Variants in ZBTB7C observed in about 807,000 individuals in gnomAD.
ZBTB7C encodes zinc finger and BTB domain containing 7C.
A neutral mutation model predicts 25.7 loss-of-function variants in ZBTB7C; 8 were observed. That is an observed-to-expected ratio of 0.31 (90% CI 0.18 to 0.56). The LOEUF is 0.56. ZBTB7C is among the 20% of genes least tolerant of loss of function. The pLI, the probability that ZBTB7C is intolerant of heterozygous loss-of-function variation, is 0.91. For synonymous variants in ZBTB7C, 394 were observed against 369.0 expected (o/e 1.07, Z -0.78); for missense variants, 824 against 855.2 (o/e 0.96, Z 0.46).
At chr18:48,172,359 C>T (rs1238485504) in intron 3 of ZBTB7C, among the ~76,000 whole-genome samples, 2 of 152,118 alleles carry the variant, frequency 1.3e-5, no homozygotes, top group African/African-American at 4.8e-5. Context: ...GGCAGGGGGG[C>T]ACGGAGGGCT....
At chr18:48,079,687 A>G (rs993244961) in intron 3 of ZBTB7C, among the ~76,000 whole-genome samples, 4 of 152,242 alleles carry the variant, frequency 2.6e-5, no homozygotes, top group Non-Finnish European at 4.4e-5. Context: ...CCATACTCTT[A>G]GCAAAACTGC....
chr18:48,369,039 T>A (rs1357077279), intron 1 of ZBTB7C, among the ~76,000 whole-genome samples: 3 of 152,220 alleles, frequency 2.0e-5, no homozygotes, highest in Admixed American at 2.0e-4. Flanking sequence ...ACAATAGACT[T>A]TCTTTCTCCT....
intron 3 of ZBTB7C, among the ~76,000 whole-genome samples, chr18:48,093,796 C>T (rs1045343739): frequency 7.2e-5 from 11 of 152,328 alleles, no homozygotes; most frequent in Middle Eastern, 6.8e-3. Context: ...TGGCTCACGC[C>T]TGTAATCCCA....
chr18:48,034,695 C>T (rs889712679), intron 4 of ZBTB7C, among the ~76,000 whole-genome samples: 3 of 152,306 alleles, frequency 2.0e-5, no homozygotes, highest in Non-Finnish European at 2.9e-5. Flanking sequence ...CAGAACTCTC[C>T]GACTACAAAT....
chr18:48,309,460 G>A (rs1196230365), intron 2 of ZBTB7C, among the ~76,000 whole-genome samples: 1 of 152,206 alleles, frequency 6.6e-6, no homozygotes, highest in Non-Finnish European at 1.5e-5. Flanking sequence ...ACCTTAAGCA[G>A]GAAGTGTAAA....
At chr18:48,158,741 T>C (rs1166789543) in intron 3 of ZBTB7C, among the ~76,000 whole-genome samples, 1 of 152,204 alleles carries the variant, frequency 6.6e-6, no homozygotes, top group Non-Finnish European at 1.5e-5. Flanking sequence ...AAACAGAAGA[T>C]AGACTCCAAA....
intron 1 of ZBTB7C, among the ~76,000 whole-genome samples, chr18:48,372,477 C>T (rs1452646563): frequency 6.6e-6 from 1 of 152,174 alleles, no homozygotes; most frequent in Non-Finnish European, 1.5e-5. Flanking sequence ...GTGACTTCTC[C>T]ATCTTTCTCC....
At chr18:48,277,000 G>C (rs1568346972) in intron 2 of ZBTB7C, among the ~76,000 whole-genome samples, 1 of 151,852 alleles carries the variant, frequency 6.6e-6, no homozygotes, top group East Asian at 1.9e-4. Context: ...ATTCTAACTG[G>C]TGTGAGATGG....
chr18:48,206,110 T>C (rs1298813425), intron 2 of ZBTB7C, among the ~76,000 whole-genome samples: 1 of 152,120 alleles, frequency 6.6e-6, no homozygotes, highest in Non-Finnish European at 1.5e-5. Flanking sequence ...CAAAAGTATA[T>C]GGAAATGCAA....
intron 1 of ZBTB7C, among the ~76,000 whole-genome samples, chr18:48,374,854 C>T (rs1329470732): frequency 6.6e-6 from 1 of 152,242 alleles, no homozygotes; most frequent in African/African-American, 2.4e-5. Flanking sequence ...ACATAGCAGA[C>T]ACAAGAGCTG....
intron 3 of ZBTB7C, among the ~76,000 whole-genome samples, chr18:48,140,703 G>A (rs546849313): frequency 6.6e-6 from 1 of 152,304 alleles, no homozygotes; most frequent in East Asian, 1.9e-4. Context: ...GCTGAAGCAA[G>A]TCATCCTAGA....
intron 1 of ZBTB7C, among the ~76,000 whole-genome samples, chr18:48,340,492 G>C (rs2046573677): frequency 6.6e-6 from 1 of 152,178 alleles, no homozygotes; most frequent in Non-Finnish European, 1.5e-5. Context: ...TCAGCCTTGG[G>C]ACTTTCAGTG....
chr18:48,044,498 A>C (rs1411916454), intron 3 of ZBTB7C, among the ~76,000 whole-genome samples: 1 of 152,256 alleles, frequency 6.6e-6, no homozygotes, highest in Admixed American at 6.5e-5. Context: ...CCATGCCCCA[A>C]GAAGGCTGCC....
At chr18:48,390,025 C>T (rs532926906) in intron 1 of ZBTB7C, among the ~76,000 whole-genome samples, 5 of 152,220 alleles carry the variant, frequency 3.3e-5, no homozygotes, top group African/African-American at 1.2e-4. Context: ...AAGCTATGGC[C>T]GGCCATCCAT....
At chr18:48,165,166 C>T in intron 3 of ZBTB7C, 1 of 1,280,776 alleles carries the variant, frequency 7.8e-7, no homozygotes, top group South Asian at 1.2e-5. Context: ...AATTTGCAGT[C>T]CAGGAAGGGG....
intron 4 of ZBTB7C, among the ~76,000 whole-genome samples, chr18:48,038,659 T>A (rs113407577): frequency 9.7e-4 from 143 of 147,870 alleles, no homozygotes; most frequent in African/African-American, 3.5e-3. Flanking sequence ...CTGAGGAAAA[T>A]CAAAAGAATG....
At chr18:48,059,051 A>G (rs2037027779) in intron 3 of ZBTB7C, among the ~76,000 whole-genome samples, 1 of 152,106 alleles carries the variant, frequency 6.6e-6, no homozygotes, top group Admixed American at 6.5e-5. Context: ...TGAGTATAAA[A>G]TCATGTGGAT....
chr18:48,032,672 G>A (rs937424538), intron 4 of ZBTB7C, among the ~76,000 whole-genome samples: 13 of 151,804 alleles, frequency 8.6e-5, no homozygotes, highest in Non-Finnish European at 1.6e-4. Flanking sequence ...TCCTGACCTC[G>A]TGATCTGCCC....
chr18:48,287,131 G>A (rs991393770), intron 2 of ZBTB7C, among the ~76,000 whole-genome samples: 1 of 151,984 alleles, frequency 6.6e-6, no homozygotes, highest in African/African-American at 2.4e-5. Context: ...GTAACAAACG[G>A]TAACTAAGAA....
Sources: gnomAD v4.1 joint callset for allele counts (sites outside exome capture counted in the v4.1 genomes callset) on GRCh38, gnomAD v4.1.1 for gene constraint, MANE v1.5 for transcripts, NCBI Gene and HGNC (gene_info 2026-07-23, HGNC 2026-07-21) for gene names.